Variants in ANK3 observed in about 807,000 individuals in gnomAD.
The protein encoded by ANK3 is ankyrin-3.
A neutral mutation model predicts 370.9 loss-of-function variants in ANK3; 57 were observed. The observed-to-expected ratio is 0.15, with a 90% CI of 0.12 to 0.19. The LOEUF is 0.19. Among genes scored for constraint, ANK3 ranks in the 10% least tolerant of loss-of-function variants. The pLI, the probability that ANK3 is intolerant of heterozygous loss-of-function variation, is 1.00. For missense variants in ANK3, 4,439 were observed against 5,302.1 expected, an observed-to-expected ratio of 0.84 and a Z score of 5.06; for synonymous variants, 1,929 against 1,946.3, an observed-to-expected ratio of 0.99 and a Z score of 0.23.
At chr10:60,225,749 C>T (rs1327694938) in intron 8 of ANK3, among the ~76,000 whole-genome samples, 1 of 151,992 alleles carries the variant, frequency 6.6e-6, no homozygotes, top group Non-Finnish European at 1.5e-5. Context: ...CATTCTGAGA[C>T]TAGAACACAC....
intron 23 of ANK3, among the ~76,000 whole-genome samples, chr10:60,154,121 G>A (rs185690628): frequency 2.6e-5 from 4 of 152,122 alleles, no homozygotes; most frequent in South Asian, 2.1e-4. Flanking sequence ...ATGTAACATC[G>A]ATTTGAAAGG....
chr10:60,219,132 G>A lies in ANK3; in HGVS notation c.898-5622C>T, dbSNP rs146278803. ...ACGCTGTGTTTTTCAGCTCCATGAG[G>A]TCATTTATGTTCCTCTCACAACAGG... On this transcript the variant is annotated intron_variant, in intron 8 of 43. Coordinates refer to ENST00000280772, the MANE Select transcript of ANK3 (RefSeq NM_020987.5). Among the ~76,000 whole-genome samples, 1,216 of 151,876 alleles carry A rather than the reference G, an allele frequency of 8.0e-3. 31 individuals carry two copies. Among genetic ancestry groups the A allele is most frequent in the Admixed American group, 0.031 (469 of 15,220 alleles).
At chr10:60,606,012 A>G (rs1340897436) in intron 2 of ANK3, among the ~76,000 whole-genome samples, 1 of 152,146 alleles carries the variant, frequency 6.6e-6, no homozygotes, top group Non-Finnish European at 1.5e-5. Context: ...ATTTTAATTT[A>G]TTTCTGTCTA....
chr10:60,611,242 G>A (rs986850512), intron 2 of ANK3, among the ~76,000 whole-genome samples: 1 of 152,038 alleles, frequency 6.6e-6, no homozygotes, highest in African/African-American at 2.4e-5. Context: ...ATGAAAACAG[G>A]AGTCTTTTCC....
chr10:60,678,965 G>A (rs1474820801), intron 1 of ANK3, among the ~76,000 whole-genome samples: 1 of 152,202 alleles, frequency 6.6e-6, no homozygotes, highest in East Asian at 1.9e-4. Flanking sequence ...GAACTGAAAA[G>A]CAAGGGTGGA....
At chr10:60,405,472 A>G (rs998137096) in intron 2 of ANK3, among the ~76,000 whole-genome samples, 3 of 152,096 alleles carry the variant, frequency 2.0e-5, no homozygotes, top group Admixed American at 1.3e-4. Flanking sequence ...ATCAGAACAG[A>G]GGTTGCTTCT....
intron 43 of ANK3, among the ~76,000 whole-genome samples, chr10:60,030,701 C>G (rs902655261): frequency 6.6e-6 from 1 of 152,156 alleles, no homozygotes; most frequent in Non-Finnish European, 1.5e-5. Flanking sequence ...CATGACCCAG[C>G]CCCCAGCTTG....
At position 60,448,687 on chromosome 10, in the gene ANK3, T is replaced by C. The variant is rs72806202; in HGVS notation, c.96+166499A>G. On this transcript the variant is annotated intron_variant, in intron 2 of 43. Coordinates refer to the ANK3 transcript ENST00000373827. ...AACTCCATGACCTCAACCTAGCCAG[T>C]TGGGGAGAACAGCAGGATTCTAGCA... Among the ~76,000 whole-genome samples, 802 of 152,302 alleles carry C rather than the reference T, an allele frequency of 5.3e-3. 4 individuals are homozygous for C. The highest frequency in any genetic ancestry group is 9.3e-3 in the South Asian group (45 of 4,828).
At chr10:60,376,726 C>A (rs2060831727) in intron 1 of ANK3, among the ~76,000 whole-genome samples, 1 of 152,166 alleles carries the variant, frequency 6.6e-6, no homozygotes, top group Non-Finnish European at 1.5e-5. Context: ...CTCAAAGATG[C>A]AATTCAGCAA....
At chr10:60,473,465 A>T (rs2065264787) in intron 2 of ANK3, among the ~76,000 whole-genome samples, 1 of 152,210 alleles carries the variant, frequency 6.6e-6, no homozygotes, top group South Asian at 2.1e-4. Flanking sequence ...AGTATAAGTC[A>T]GGATTTTACA....
intron 2 of ANK3, among the ~76,000 whole-genome samples, chr10:60,564,258 T>C (rs2077407307): frequency 6.6e-6 from 1 of 152,168 alleles, no homozygotes; most frequent in Admixed American, 6.5e-5. Context: ...TCAACAATGA[T>C]GTTTAAAGTA....
intron 9 of ANK3, among the ~76,000 whole-genome samples, chr10:60,209,479 G>A (rs2096818324): frequency 6.6e-6 from 1 of 152,158 alleles, no homozygotes; most frequent in African/African-American, 2.4e-5. Flanking sequence ...GTTCCGTGAA[G>A]GCAAGAGGTA....
At chr10:60,225,130 C>A (rs1465182190) in intron 8 of ANK3, among the ~76,000 whole-genome samples, 1 of 151,998 alleles carries the variant, frequency 6.6e-6, no homozygotes. Context: ...CCAGGCTGGT[C>A]TCAAACTCCT....
intron 42 of ANK3, chr10:60,043,735 G>A: frequency 3.0e-6 from 3 of 985,458 alleles, no homozygotes; most frequent in South Asian, 9.4e-5. Context: ...ACACTCTGCT[G>A]AAGGCCAAGC....
At chr10:60,216,694 G>A (rs544155828) in intron 8 of ANK3, among the ~76,000 whole-genome samples, 1 of 152,212 alleles carries the variant, frequency 6.6e-6, no homozygotes, top group Admixed American at 6.5e-5. Flanking sequence ...TTTTCTCATC[G>A]ATGTTCATCA....
intron 2 of ANK3, among the ~76,000 whole-genome samples, chr10:60,473,986 A>AAT (rs2074988627): frequency 7.7e-6 from 1 of 129,204 alleles, no homozygotes; most frequent in African/African-American, 2.8e-5. Flanking sequence ...AAAAAAAAAA[A>AAT]GCCAAGCATG....
chr10:60,676,993 C>T (rs752398423), intron 1 of ANK3, among the ~76,000 whole-genome samples: 2 of 152,156 alleles, frequency 1.3e-5, no homozygotes, highest in Non-Finnish European at 2.9e-5. Context: ...TATCAAAATA[C>T]CACATGTATC....
In ANK3 at chr10:60,220,817, A is replaced by G. The variant is rs1185630984; in HGVS notation, c.898-7307T>C. Among the ~76,000 whole-genome samples, 11 of 152,216 alleles carry G rather than the reference A, an allele frequency of 7.2e-5. No homozygotes were observed. The South Asian group carries it at 2.3e-3, about 32-fold the overall frequency. On this transcript the variant is annotated intron_variant, in intron 8 of 43. Transcript: ENST00000280772. ...AGGGCTACATCACGGGCCACCAGTC[A>G]CTGATATTTGGCTCAGAATAAATCT...
At chr10:60,577,835 A>G (rs893179819) in intron 2 of ANK3, among the ~76,000 whole-genome samples, 8 of 152,198 alleles carry the variant, frequency 5.3e-5, no homozygotes, top group African/African-American at 1.9e-4. Flanking sequence ...TTGAGTCTTC[A>G]TATTGAAAAA....
Sources: allele counts gnomAD v4.1 joint callset (sites outside exome capture counted in the v4.1 genomes callset), GRCh38; gene constraint gnomAD v4.1.1; transcripts MANE v1.5; gene names NCBI Gene and HGNC (gene_info 2026-07-23, HGNC 2026-07-21).